RNF10: variants seen among roughly 807,000 people sequenced by gnomAD.
RNF10 encodes the protein ring finger protein 10.
RNF10 carries 38 observed loss-of-function variants against 91.4 expected under a neutral mutation model. The observed-to-expected ratio is 0.42, with a 90% CI of 0.32 to 0.54. RNF10 has a LOEUF of 0.54. Ranked by LOEUF, RNF10 falls within the 20% of genes least tolerant of loss-of-function variation. The pLI is 0.16. For synonymous variants in RNF10, 364 were observed against 366.3 expected (o/e 0.99, Z 0.07); for missense variants, 945 against 1,012.0 (o/e 0.93, Z 0.90).
intron 6 of RNF10, among the ~76,000 whole-genome samples, chr12:120,558,490 C>T (rs1385600092): frequency 6.6e-6 from 1 of 150,614 alleles, no homozygotes; most frequent in African/African-American, 2.4e-5. Context: ...GATTTTTGAA[C>T]CAGGCTGAAA....
At position 120,542,510 on chromosome 12, in the gene RNF10, C is replaced by G. The variant is rs575305772; in HGVS notation, c.158-3895C>G. ...GTGCCATGTTTGACACTAACTGTTG[C>G]TAACTGAAGTAATAGGTAAAAGTTT... On this transcript the variant is annotated intron_variant, in intron 1 of 16. Transcript: ENST00000325954. Among the ~76,000 whole-genome samples the G allele has an allele frequency of 2.0e-5, 3 of 152,246 alleles. No individual in the cohort carries two copies. The East Asian group carries it at 5.8e-4, about 29-fold the overall frequency.
chr12:120,574,334 T>C (rs1470719218), intron 14 of RNF10: 6 of 410,132 alleles, frequency 1.5e-5, no homozygotes, highest in Non-Finnish European at 2.9e-5. Flanking sequence ...AATAAAATGT[T>C]CTCTGCCTTT....
At chr12:120,539,875 A>G (rs968328527) in intron 1 of RNF10, among the ~76,000 whole-genome samples, 3 of 151,288 alleles carry the variant, frequency 2.0e-5, no homozygotes, top group African/African-American at 7.3e-5. Flanking sequence ...TTGCTCTGTC[A>G]CCCAGGCTGG....
chr12:120,571,341 G>T (rs1239583506), intron 14 of RNF10, 50 bp downstream of exon 14: 9 of 1,306,350 alleles, frequency 6.9e-6, no homozygotes, highest in Non-Finnish European at 1.0e-5. Flanking sequence ...CATGAACTCT[G>T]CTGCTCATTA....
chr12:120,534,933 C>T lies in RNF10; in HGVS notation c.122C>T (p.Ser41Leu). 1.9e-6 allele frequency: 3 copies of T among 1,603,070 alleles called. No individual in the cohort carries two copies. The highest frequency in any genetic ancestry group is 2.2e-5 in the East Asian group (1 of 44,726). Reference sequence around the variant, plus strand: ...GGGCAACAGCCGCCCCGCTCCGCCTCGGCGGGGCCAGCCGGCGAGTCTAAA... The same window carrying T: ...GGGCAACAGCCGCCCCGCTCCGCCTTGGCGGGGCCAGCCGGCGAGTCTAAA... ...SKGQQPPRSA[S>L]AGPAGESKPK... Residue 41 changes from serine to leucine, a missense_variant, in exon 1 of 17, where the codon TCG becomes TTG. Transcript: ENST00000325954.
rs1875125701 is a variant in RNF10 at position 120,563,010 on chromosome 12, T to C, written c.1194T>C (p.Ala398=). 1.9e-6 allele frequency: 3 copies of C among 1,614,132 alleles called. No individual in the cohort carries two copies. Among genetic ancestry groups the C allele is most frequent in the Admixed American group, 3.3e-5 (2 of 60,008 alleles). Residue 398 remains alanine, a synonymous_variant, in exon 8 of 17, where the codon GCT becomes GCC. Transcript: ENST00000325954. ...SRREVTGVVA[A]LEQLVLMAPL... ...GGGAGGTCACTGGTGTTGTGGCTGC[T>C]CTGGAACAACTGGTGCTGATGGCTC...
At chr12:120,562,896 G>A in intron 7 of RNF10, 49 bp from the exon 8 acceptor site, 1 of 1,611,686 alleles carries the variant, frequency 6.2e-7, no homozygotes, top group Non-Finnish European at 8.5e-7. Flanking sequence ...CAAGCTAAGT[G>A]TGTGTCTGGA....
chr12:120,569,310 A>G (rs1200407952), intron 13 of RNF10, among the ~76,000 whole-genome samples: 9 of 151,908 alleles, frequency 5.9e-5, no homozygotes, highest in Non-Finnish European at 8.8e-5. Flanking sequence ...CATTCTTAAC[A>G]AAGTGTCCAT....
chr12:120,566,533 G>T (rs955431822), intron 12 of RNF10, among the ~76,000 whole-genome samples: 1 of 152,090 alleles, frequency 6.6e-6, no homozygotes, highest in Non-Finnish European at 1.5e-5. Flanking sequence ...AGGCCAAGGT[G>T]GGCAGATCAC....
At chr12:120,575,985 A>T (rs765006275) in intron 16 of RNF10, 35 bp downstream of exon 16, 2 of 1,607,994 alleles carry the variant, frequency 1.2e-6, no homozygotes, top group Non-Finnish European at 1.7e-6. Flanking sequence ...AGGGTTGTCA[A>T]ACATACTACA....
chr12:120,572,213 C>CCCGG (rs1402564503), intron 14 of RNF10, among the ~76,000 whole-genome samples: 1 of 151,202 alleles, frequency 6.6e-6, no homozygotes, highest in African/African-American at 2.4e-5. Context: ...ACTATAGGCG[C>CCCGG]CTGCCACCAC....
intron 2 of RNF10, among the ~76,000 whole-genome samples, chr12:120,549,653 C>G (rs1376428043): frequency 6.6e-6 from 1 of 151,986 alleles, no homozygotes; most frequent in Non-Finnish European, 1.5e-5. Context: ...GGCGTGATGG[C>G]AGGTGCCTGT....
At chr12:120,564,994 T>A in intron 10 of RNF10, 78 bp from the exon 11 acceptor site, 1 of 877,878 alleles carries the variant, frequency 1.1e-6, no homozygotes, top group Non-Finnish European at 1.9e-6. Flanking sequence ...GTATATATTG[T>A]TGGATATCGG....
Position 120,575,609 on chromosome 12 carries a change from C to T in RNF10, c.2143-22C>T, listed in dbSNP as rs74574163. On this transcript the variant is annotated intron_variant, in intron 14 of 16. Transcript: ENST00000325954. Reference sequence around the variant, plus strand: ...GACCAGCTACTTAAATTCTCTCCCCCACTTCTTTCCCACTTTGGCAGATGC... The same window carrying T: ...GACCAGCTACTTAAATTCTCTCCCCTACTTCTTTCCCACTTTGGCAGATGC... The T allele has an allele frequency of 3.7e-3, 6,013 of 1,613,962 alleles. 189 individuals are homozygous for T. In the African/African-American group the frequency reaches 0.071, roughly 19 times the overall value.
chr12:120,572,136 G>T (rs1428494719), intron 14 of RNF10, among the ~76,000 whole-genome samples: 1 of 150,232 alleles, frequency 6.7e-6, no homozygotes, highest in Non-Finnish European at 1.5e-5. Context: ...GCGCGATCTT[G>T]GCTTGCTGTA....
intron 6 of RNF10, 85 bp downstream of exon 6, chr12:120,557,767 C>T: frequency 6.7e-7 from 1 of 1,484,174 alleles, no homozygotes; most frequent in Non-Finnish European, 9.3e-7. Flanking sequence ...GAAAGTGAAG[C>T]CTTTGGGCAG....
chr12:120,569,174 G>C (rs1429350094), intron 13 of RNF10, among the ~76,000 whole-genome samples: 1 of 152,004 alleles, frequency 6.6e-6, no homozygotes, highest in Non-Finnish European at 1.5e-5. Context: ...TCTCCATGTT[G>C]GTCAGGCTAG....
chr12:120,561,931 G>A (rs1445539322), intron 7 of RNF10, among the ~76,000 whole-genome samples: 4 of 152,172 alleles, frequency 2.6e-5, no homozygotes, highest in Admixed American at 6.5e-5. Context: ...GTAAAAACTA[G>A]GTTAGTTTCA....
chr12:120,547,975 T>C lies in RNF10; in HGVS notation c.354+1374T>C, dbSNP rs186718142. Among the ~76,000 whole-genome samples the C allele has an allele frequency of 4.2e-3, 646 of 152,208 alleles. 3 individuals are homozygous for C. Among genetic ancestry groups the C allele is most frequent in the African/African-American group, 0.015 (604 of 41,530 alleles). On this transcript the variant is annotated intron_variant, in intron 2 of 16. Coordinates refer to ENST00000325954, the MANE Select transcript of RNF10 (RefSeq NM_014868.5). ...GTGAGAGACGTTAAGATTTGAGATA[T>C]TACTTCCATATAGAGCCAAGACTTT... is the stretch of plus-strand genomic sequence containing the variant.
Sources: allele counts gnomAD v4.1 joint callset (sites outside exome capture counted in the v4.1 genomes callset), GRCh38; gene constraint gnomAD v4.1.1; transcripts MANE v1.5; gene names NCBI Gene and HGNC (gene_info 2026-07-23, HGNC 2026-07-21).